SLFN12L: variants seen among roughly 807,000 people sequenced by gnomAD.
SLFN12L encodes the protein schlafen family member 12-like.
SLFN12L carries 34 observed loss-of-function variants against 34.8 expected under a neutral mutation model. The ratio of observed to expected loss-of-function variants is 0.98; its 90% CI spans 0.74 to 1.30. The LOEUF (loss-of-function observed/expected upper bound fraction) is 1.30. Among genes scored for constraint, SLFN12L ranks in the 50% most tolerant of loss-of-function variants. The probability of loss-of-function intolerance (pLI) is 0.00; values close to 1 mark genes in which losing one functional copy is unlikely to be tolerated. For missense variants in SLFN12L, 703 were observed against 696.2 expected, an observed-to-expected ratio of 1.01 and a Z score of -0.11; for synonymous variants, 259 against 247.5, an observed-to-expected ratio of 1.05 and a Z score of -0.44.
intron 2 of SLFN12L, chr17:35,490,732 C>T: frequency 6.8e-7 from 1 of 1,475,666 alleles, no homozygotes; most frequent in Non-Finnish European, 9.5e-7. Context: ...TCAACATATT[C>T]GAAAAATTAG....
Position 35,465,594 on chromosome 17 carries a change from A to G in SLFN12L, c.*9329T>C, listed in dbSNP as rs1330517277. Among the ~76,000 whole-genome samples, 2 of 151,900 alleles carry G rather than the reference A, an allele frequency of 1.3e-5. No individual in the cohort carries two copies. Among genetic ancestry groups the G allele is most frequent in the African/African-American group, 4.8e-5 (2 of 41,306 alleles). On this transcript the variant is annotated 3_prime_UTR_variant, in exon 5 of 5. Transcript: ENST00000628453. ...AGTTGTTACATAAAACCTCATTTATATAACATAAAAGGGATAAAGGAGATA... is the reference window on the plus strand; with the variant it reads ...AGTTGTTACATAAAACCTCATTTATGTAACATAAAAGGGATAAAGGAGATA...
intron 2 of SLFN12L, chr17:35,498,180 G>A: frequency 4.2e-6 from 1 of 239,788 alleles, no homozygotes; most frequent in Non-Finnish European, 8.6e-6. Flanking sequence ...GGGAGGCGGC[G>A]GCGTGGGGAG....
intron 4 of SLFN12L, among the ~76,000 whole-genome samples, chr17:35,477,627 G>A (rs1002268113): frequency 3.9e-5 from 6 of 151,946 alleles, no homozygotes; most frequent in African/African-American, 2.4e-5. Flanking sequence ...AGACAGAATC[G>A]CCACTTCATA....
At chr17:35,533,649 G>A (rs1205339338) in intron 1 of SLFN12L, among the ~76,000 whole-genome samples, 1 of 152,222 alleles carries the variant, frequency 6.6e-6, no homozygotes, top group African/African-American at 2.4e-5. Context: ...AAGTAAGAAG[G>A]AGTATGTCAA....
intron 2 of SLFN12L, among the ~76,000 whole-genome samples, chr17:35,504,242 G>T (rs1268240792): frequency 6.6e-6 from 1 of 152,148 alleles, no homozygotes; most frequent in African/African-American, 2.4e-5. Context: ...GGGAGATTTT[G>T]ATTAAAAACC....
chr17:35,486,859 CA>C (rs2142136285), intron 2 of SLFN12L, among the ~76,000 whole-genome samples: 1 of 152,292 alleles, frequency 6.6e-6, no homozygotes, highest in African/African-American at 2.4e-5. Context: ...GTAAGAACTG[CA>C]ACCCACAAGG....
At chr17:35,483,013 G>A (rs1405062918) in intron 2 of SLFN12L, among the ~76,000 whole-genome samples, 2 of 152,160 alleles carry the variant, frequency 1.3e-5, no homozygotes, top group Non-Finnish European at 2.9e-5. Flanking sequence ...CCTCTCTGCT[G>A]ATAGCAGGAG....
chr17:35,498,180 G>GACGTGGGGAGCCGGGGCC, intron 2 of SLFN12L: 3 of 239,798 alleles, frequency 1.3e-5, no homozygotes, highest in Non-Finnish European at 2.6e-5. Flanking sequence ...GGGAGGCGGC[G>GACGTGGGGAGCCGGGGCC]GCGTGGGGAG....
chr17:35,474,940 A>T lies in SLFN12L; in HGVS notation c.1822T>A (p.Cys608Ser). ...AGTGAGACTCATCTCAAGAAAAAAC[A>T]AACAAACCAACAAACAAACAAACAA... Reference protein sequence around the residue: ...RFCLFVCWFVCFFLR With the variant: ...RFCLFVCWFVSFFLR Residue 608 changes from cysteine to serine, a missense_variant, in exon 5 of 5, where the codon TGT becomes AGT. Physicochemically the swap from Cys to Ser is moderately radical, Grantham distance 112 (BLOSUM62 -1). Coordinates refer to ENST00000628453, the MANE Select transcript of SLFN12L (RefSeq NM_001363830.2). 2 of 1,548,682 alleles carry T rather than the reference A, an allele frequency of 1.3e-6. No homozygotes were observed. Among genetic ancestry groups the T allele is most frequent in the Non-Finnish European group, 1.7e-6 (2 of 1,146,110 alleles).
rs1913711925 is a variant in SLFN12L at position 35,465,783 on chromosome 17, A to T, written c.*9140T>A. Among the ~76,000 whole-genome samples, 1 of 147,878 alleles carries T rather than the reference A, an allele frequency of 6.8e-6. No individual in the cohort carries two copies. Among genetic ancestry groups the T allele is most frequent in the Non-Finnish European group, 1.5e-5 (1 of 67,132 alleles). ...GTATCTAGTATGATTAACATTATTA[A>T]CTCTATCCAATCAATAACTGCTAAA... On this transcript the variant is annotated 3_prime_UTR_variant, in exon 5 of 5. Transcript: ENST00000628453.
chr17:35,526,152 A>G (rs190083326), intron 1 of SLFN12L, among the ~76,000 whole-genome samples: 36 of 152,350 alleles, frequency 2.4e-4, no homozygotes, highest in Admixed American at 1.1e-3. Flanking sequence ...CAACAAAAAG[A>G]GCTAACTATC....
In SLFN12L at chr17:35,470,701, T is replaced by G. The variant is rs1436575806; in HGVS notation, c.*4222A>C. On this transcript the variant is annotated 3_prime_UTR_variant, in exon 5 of 5. Transcript: ENST00000628453. ...TTTTTTTTTTTAATTTTTATTATAC[T>G]TTAAGCTCTGGGATACACGTGCAGA... 6.6e-6 allele frequency: 1 copy of G among 151,846 alleles called. No individual in the cohort carries two copies. The highest frequency in any genetic ancestry group is 1.5e-5 in the Non-Finnish European group (1 of 68,044). The allele number at this position is 151,846 out of a possible 1,614,324, so 9.4% of individuals were successfully genotyped here.
chr17:35,506,463 A>G (rs1272269103), intron 2 of SLFN12L, among the ~76,000 whole-genome samples: 1 of 152,178 alleles, frequency 6.6e-6, no homozygotes. Flanking sequence ...CCTTAGAACT[A>G]GTAATAACCA....
At chr17:35,498,828 A>G (rs1915189939) in intron 2 of SLFN12L, 1 of 790,164 alleles carries the variant, frequency 1.3e-6, no homozygotes, top group East Asian at 2.5e-5. Context: ...TGCCAAGACA[A>G]CAGACTAACA....
At chr17:35,534,245 C>A (rs2072437969) in intron 1 of SLFN12L, among the ~76,000 whole-genome samples, 1 of 152,094 alleles carries the variant, frequency 6.6e-6, no homozygotes, top group African/African-American at 2.4e-5. Context: ...GCCTGCAGTC[C>A]CAGCTACTCG....
chr17:35,479,670 G>A lies in SLFN12L; in HGVS notation c.612C>T (p.Phe204=). The A allele has an allele frequency of 1.9e-6, 3 of 1,611,932 alleles. No homozygotes were observed. Among genetic ancestry groups the A allele is most frequent in the Non-Finnish European group, 2.5e-6 (3 of 1,178,810 alleles). The change falls in exon 3 of 5, where the codon TTC becomes TTT. Residue 204 remains phenylalanine (F), a synonymous_variant. Coordinates refer to ENST00000628453, the MANE Select transcript of SLFN12L (RefSeq NM_001363830.2). Reference sequence around the variant, plus strand: ...CATCAACACAGGCCCTTTTTGCAGGGAATTCTGGTCTTAAATATGCTCTCC... The same window carrying A: ...CATCAACACAGGCCCTTTTTGCAGGAAATTCTGGTCTTAAATATGCTCTCC... ...TGGRAYLRPE[F]PAKRACVDVQ...
rs570258153 is a variant in SLFN12L, at chr17:35,490,786, G to A, written c.87-10591C>T. On this transcript the variant is annotated intron_variant, in intron 2 of 4. Coordinates refer to ENST00000628453, the MANE Select transcript of SLFN12L (RefSeq NM_001363830.2). The stretch of plus-strand genomic sequence containing the variant: ...TGTTATAGTTGTGAAAGCCCCTCCA[G>A]AAATAAGACTTGAGTGCCTGACTCA... The A allele has an allele frequency of 1.1e-5, 17 of 1,484,426 alleles. 1 individual carries two copies. The South Asian group carries it at 1.9e-4, about 17-fold the overall frequency. The allele number at this position is 1,484,426 out of a possible 1,614,324, so 92.0% of individuals were successfully genotyped here. A position where few individuals can be genotyped will look rare whatever the true frequency, so the allele number is the denominator to read the frequency against.
chr17:35,480,374 A>G (rs1323099692), intron 2 of SLFN12L, 179 bp from the exon 3 acceptor site: 2 of 474,752 alleles, frequency 4.2e-6, no homozygotes, highest in Non-Finnish European at 7.3e-6. Flanking sequence ...TTATACTCCT[A>G]CTGAATTTTC....
At chr17:35,475,608 G>A (rs1190242693) in intron 4 of SLFN12L, 123 bp from the exon 5 acceptor site, 2 of 1,399,202 alleles carry the variant, frequency 1.4e-6, no homozygotes, top group East Asian at 5.0e-5. Context: ...CTATGTAAAA[G>A]TGTATCAGGG....
Sources: gnomAD v4.1 joint callset for allele counts (sites outside exome capture counted in the v4.1 genomes callset) on GRCh38, gnomAD v4.1.1 for gene constraint, MANE v1.5 for transcripts, NCBI Gene and HGNC (gene_info 2026-07-23, HGNC 2026-07-21) for gene names.